The following PCDHA11 variants were observed in gnomAD, a reference collection of about 807,000 sequenced individuals.
PCDHA11 encodes the protein protocadherin alpha-11.
Under a neutral mutation model 70.3 loss-of-function variants are expected in PCDHA11, and 61 were observed. The ratio of observed to expected loss-of-function variants is 0.87; its 90% CI spans 0.71 to 1.07. The LOEUF (loss-of-function observed/expected upper bound fraction) is 1.07, where lower values mean the gene tolerates loss of function less well. Ranked by LOEUF, PCDHA11 falls within the 50% of genes least tolerant of loss-of-function variation. PCDHA11 has a pLI of 0.00. For missense variants in PCDHA11, 1,324 were observed against 1,237.5 expected (o/e 1.07, Z -1.05); for synonymous variants, 633 against 555.1 (o/e 1.14, Z -1.97).
At chr5:140,984,859 A>G (rs1368341114) in intron 3 of PCDHA11, among the ~76,000 whole-genome samples, 1 of 152,046 alleles carries the variant, frequency 6.6e-6, no homozygotes, top group Non-Finnish European at 1.5e-5. Flanking sequence ...TAATAATAAC[A>G]CCTATTTTAT....
At chr5:140,947,648 T>C (rs1476825159) in intron 1 of PCDHA11, among the ~76,000 whole-genome samples, 1 of 151,646 alleles carries the variant, frequency 6.6e-6, no homozygotes, top group Non-Finnish European at 1.5e-5. Context: ...TGAACATATA[T>C]ACCTCCATTT....
chr5:140,914,317 A>G (rs1016365389), intron 1 of PCDHA11, among the ~76,000 whole-genome samples: 15 of 152,122 alleles, frequency 9.9e-5, no homozygotes, highest in Non-Finnish European at 2.9e-5. Flanking sequence ...CCCCATTATC[A>G]TTGTACAAAG....
chr5:140,927,294 C>T (rs781944508), intron 1 of PCDHA11: 10 of 1,614,062 alleles, frequency 6.2e-6, no homozygotes, highest in South Asian at 3.3e-5. Context: ...TGCACATCCC[C>T]GAGTTCCTGA....
In PCDHA11 at chr5:140,982,560, C is replaced by G. The variant is rs782437404; in HGVS notation, c.2536C>G (p.Pro846Ala). The G allele has an allele frequency of 5.6e-6, 9 of 1,614,098 alleles. No homozygotes were observed. Among genetic ancestry groups the G allele is most frequent in the South Asian group, 4.4e-5 (4 of 91,078 alleles). ...QQWPTVSSAT[P>A]EPEAGEVSPP... ...GTGGCCAACAGTATCCAGTGCAACA[C>G]CAGGTAAAGAGCTGGGGTCTCTCCA... Residue 846 changes from proline to alanine, a missense_variant, in exon 3 of 4, where the codon CCA (proline) becomes GCA (alanine). Physicochemically the swap from Pro to Ala is conservative, Grantham distance 27. Coordinates refer to ENST00000398640, the MANE Select transcript of PCDHA11 (RefSeq NM_018902.5).
At chr5:140,909,038 A>C (rs1396337089) in intron 1 of PCDHA11, among the ~76,000 whole-genome samples, 1 of 152,126 alleles carries the variant, frequency 6.6e-6, no homozygotes, top group African/African-American at 2.4e-5. Context: ...TTTATTTTCC[A>C]TACTCTGGCA....
intron 1 of PCDHA11, chr5:140,930,410 CAG>C (rs2086812971): frequency 6.7e-6 from 1 of 149,986 alleles, no homozygotes; most frequent in South Asian, 2.1e-4. Flanking sequence ...TTTTTTGAGA[CAG>C]GGGTCTCACT....
intron 1 of PCDHA11, chr5:140,929,360 C>G (rs781864515): frequency 5.3e-6 from 8 of 1,519,748 alleles, no homozygotes; most frequent in Non-Finnish European, 6.2e-6. Flanking sequence ...TTCCTTTGGC[C>G]CGGAGATGGC....
chr5:140,887,238 C>A (rs1191260946), intron 1 of PCDHA11, among the ~76,000 whole-genome samples: 3 of 151,738 alleles, frequency 2.0e-5, no homozygotes, highest in African/African-American at 4.8e-5. Flanking sequence ...CTGAGACTAC[C>A]GGCGCCCGCC....
At chr5:140,902,102 G>A (rs1407664200) in intron 1 of PCDHA11, among the ~76,000 whole-genome samples, 1 of 151,098 alleles carries the variant, frequency 6.6e-6, no homozygotes, top group African/African-American at 2.4e-5. Context: ...GGAGTCTTTA[G>A]ATTTTTTTAA....
At chr5:140,896,657 A>G (rs1554187043) in intron 1 of PCDHA11, among the ~76,000 whole-genome samples, 1 of 152,010 alleles carries the variant, frequency 6.6e-6, no homozygotes, top group East Asian at 1.9e-4. Flanking sequence ...TATTACAGGC[A>G]TGAGTCACTG....
chr5:141,010,272 T>C lies in PCDHA11; in HGVS notation c.*335T>C. On this transcript the variant is annotated 3_prime_UTR_variant, in exon 4 of 4. Coordinates refer to ENST00000398640, the MANE Select transcript of PCDHA11 (RefSeq NM_018902.5). ...TCTCTGCCCTGTGCTCCGGGGATCC[T>C]GTCTTGATGACACTTGCAGGGCAGG... The C allele has an allele frequency of 6.4e-7, 1 of 1,551,508 alleles. No homozygotes were observed. Among genetic ancestry groups the C allele is most frequent in the Non-Finnish European group, 8.7e-7 (1 of 1,146,940 alleles).
chr5:141,010,384 G>T lies in PCDHA11; in HGVS notation c.*447G>T, dbSNP rs2098417140. 10 of 1,411,480 alleles carry T rather than the reference G, an allele frequency of 7.1e-6. No homozygotes were observed. In the South Asian group the frequency reaches 8.5e-5, roughly 12 times the overall value. The allele number at this position is 1,411,480 out of a possible 1,614,324, so 87.4% of individuals were successfully genotyped here. A position where few individuals can be genotyped will look rare whatever the true frequency, so the allele number is the denominator to read the frequency against. ...GCGGGTATGCGAGTGCCAGATATTGGCTGAGACGAGCCAGCTTAGACTAAT... is the reference window on the plus strand; with the variant it reads ...GCGGGTATGCGAGTGCCAGATATTGTCTGAGACGAGCCAGCTTAGACTAAT... On this transcript the variant is annotated 3_prime_UTR_variant, in exon 4 of 4. Coordinates refer to ENST00000398640, the MANE Select transcript of PCDHA11 (RefSeq NM_018902.5).
At chr5:140,955,590 C>CTT (rs1554221986) in intron 1 of PCDHA11, among the ~76,000 whole-genome samples, 2 of 152,132 alleles carry the variant, frequency 1.3e-5, no homozygotes, top group East Asian at 3.9e-4. Context: ...AAACCTCTTT[C>CTT]TTTTATAAAT....
At position 140,871,409 on chromosome 5, in the gene PCDHA11, T is replaced by C. The variant is rs2053060094; in HGVS notation, c.2306T>C (p.Met769Thr). The C allele has an allele frequency of 1.2e-6, 2 of 1,613,974 alleles. No homozygotes were observed. Among genetic ancestry groups the C allele is most frequent in the African/African-American group, 1.3e-5 (1 of 74,954 alleles). The change falls in exon 1 of 4, where the codon ATG becomes ACG. Residue 769 changes from methionine to threonine, a missense_variant. Coordinates refer to ENST00000398640, the MANE Select transcript of PCDHA11 (RefSeq NM_018902.5). ...GAGGGCCCACCTAAGACGGACCTCATGGCCTTCAGCCCCAGTCTTCCTCTA... is the reference window on the plus strand; with the variant it reads ...GAGGGCCCACCTAAGACGGACCTCACGGCCTTCAGCCCCAGTCTTCCTCTA... ...SEEGPPKTDL[M>T]AFSPSLPLGL...
chr5:140,875,854 G>A (rs1448268904), intron 1 of PCDHA11: 6 of 1,614,160 alleles, frequency 3.7e-6, no homozygotes, highest in Non-Finnish European at 5.1e-6. Flanking sequence ...GGACATTAAC[G>A]ACAACCCGCC....
chr5:140,938,807 A>G (rs1253557528), intron 1 of PCDHA11, among the ~76,000 whole-genome samples: 1 of 152,020 alleles, frequency 6.6e-6, no homozygotes, highest in Non-Finnish European at 1.5e-5. Context: ...GGTACCACAA[A>G]CCCCTGTGAC....
intron 3 of PCDHA11, among the ~76,000 whole-genome samples, chr5:141,000,416 TA>T (rs1479552208): frequency 1.6e-3 from 150 of 93,344 alleles, no homozygotes; most frequent in Non-Finnish European, 2.1e-3. Flanking sequence ...TATATATATA[TA>T]TATATTTTTT....
intron 1 of PCDHA11, among the ~76,000 whole-genome samples, chr5:140,943,004 C>T (rs1248261862): frequency 6.6e-6 from 1 of 151,842 alleles, no homozygotes; most frequent in East Asian, 1.9e-4. Context: ...TGCCTGTAAT[C>T]CCAGCACTTT....
chr5:140,904,039 A>T (rs947456842), intron 1 of PCDHA11, among the ~76,000 whole-genome samples: 5 of 152,138 alleles, frequency 3.3e-5, no homozygotes, highest in Non-Finnish European at 7.4e-5. Context: ...TAACTTTTTA[A>T]TTTTTTTATT....
Sources: allele counts gnomAD v4.1 joint callset (sites outside exome capture counted in the v4.1 genomes callset), GRCh38; gene constraint gnomAD v4.1.1; transcripts MANE v1.5; gene names NCBI Gene and HGNC (gene_info 2026-07-23, HGNC 2026-07-21).